The following GLIS3 variants were observed in gnomAD, a reference collection of about 807,000 sequenced individuals.
GLIS3 encodes zinc finger protein GLIS3.
A neutral mutation model predicts 78.6 loss-of-function variants in GLIS3; 53 were observed. That is an observed-to-expected ratio of 0.67 (90% CI 0.54 to 0.85). GLIS3 has a LOEUF of 0.85. Among genes scored for constraint, GLIS3 ranks in the 40% least tolerant of loss-of-function variants. The pLI, the probability that GLIS3 is intolerant of heterozygous loss-of-function variation, is 0.00. For synonymous variants in GLIS3, 684 were observed against 509.9 expected (o/e 1.34, Z -4.60); for missense variants, 1,703 against 1,231.1 (o/e 1.38, Z -5.74).
chr9:3,837,642 A>C (rs1206008573), intron 9 of GLIS3, among the ~76,000 whole-genome samples: 1 of 152,244 alleles, frequency 6.6e-6, no homozygotes, highest in Non-Finnish European at 1.5e-5. Flanking sequence ...ATTTCAATTT[A>C]AATGCATATT....
chr9:4,245,510 G>C (rs1257990252), intron 2 of GLIS3, among the ~76,000 whole-genome samples: 1 of 152,194 alleles, frequency 6.6e-6, no homozygotes, highest in African/African-American at 2.4e-5. Flanking sequence ...TATTAGAAAG[G>C]CAATTTGAAA....
chr9:3,964,665 G>A (rs1817796441), intron 4 of GLIS3, among the ~76,000 whole-genome samples: 1 of 152,118 alleles, frequency 6.6e-6, no homozygotes, highest in African/African-American at 2.4e-5. Context: ...TGTCATGCTG[G>A]AATACTGGAA....
intron 4 of GLIS3, among the ~76,000 whole-genome samples, chr9:4,027,640 T>C (rs184880314): frequency 1.3e-5 from 2 of 152,334 alleles, no homozygotes; most frequent in East Asian, 3.9e-4. Flanking sequence ...AAATAACATG[T>C]ACTGTGCTTG....
chr9:4,073,786 T>C (rs539970238), intron 4 of GLIS3, among the ~76,000 whole-genome samples: 14 of 152,070 alleles, frequency 9.2e-5, no homozygotes, highest in Non-Finnish European at 1.9e-4. Context: ...AATAATGAGT[T>C]ACTAGAAATT....
chr9:4,373,470 CA>C, the GLIS3 span, among the ~76,000 whole-genome samples: 1 of 152,168 alleles, frequency 6.6e-6, no homozygotes, highest in Non-Finnish European at 1.5e-5. Flanking sequence ...CATTGGGGAA[CA>C]AACTGCTCTG....
In GLIS3 at chr9:4,118,082, C is replaced by T. The variant is rs1187253766; in HGVS notation, c.1396G>A (p.Ala466Thr). The change falls in exon 4 of 11, where the codon GCG (alanine) becomes ACG (threonine). Residue 466 changes from alanine (A) to threonine (T), a missense_variant. Physicochemically the swap from Ala to Thr is moderately conservative, Grantham distance 58. Coordinates refer to ENST00000381971, the MANE Select transcript of GLIS3 (RefSeq NM_001042413.2). The surrounding 1 kb of genome is among the most constrained non-coding windows in gnomAD (Gnocchi z 4.7). ...CCGAGCTCCGGGTGGTGAAGGTGCG[C>T]ATGGGCATGGTAAGGGGGTGGGGGG... ...PGPPPPYHAH[A>T]HLHHPELGPH... 1 of 1,542,930 alleles carries T rather than the reference C, an allele frequency of 6.5e-7. No individual in the cohort carries two copies. Among genetic ancestry groups the T allele is most frequent in the Non-Finnish European group, 8.8e-7 (1 of 1,138,672 alleles).
At chr9:4,379,440 G>A in the GLIS3 span, among the ~76,000 whole-genome samples, 1 of 152,218 alleles carries the variant, frequency 6.6e-6, no homozygotes, top group African/African-American at 2.4e-5. Context: ...AATGCCTCTG[G>A]ATTTTTCAGC....
At chr9:4,075,895 T>A (rs938670365) in intron 4 of GLIS3, among the ~76,000 whole-genome samples, 1 of 152,162 alleles carries the variant, frequency 6.6e-6, no homozygotes, top group African/African-American at 2.4e-5. Context: ...TAAAATTCCT[T>A]TAAAGGCAAA....
At chr9:3,842,639 G>A (rs1818794529) in intron 9 of GLIS3, among the ~76,000 whole-genome samples, 1 of 152,190 alleles carries the variant, frequency 6.6e-6, no homozygotes, top group South Asian at 2.1e-4. Context: ...CAGGGTTGGG[G>A]GGCATCAGCT....
chr9:4,427,877 A>T, the GLIS3 span, among the ~76,000 whole-genome samples: 2 of 152,012 alleles, frequency 1.3e-5, no homozygotes, highest in African/African-American at 2.4e-5. Flanking sequence ...AAGAAGAACA[A>T]TTAGAAAATA....
intron 2 of GLIS3, among the ~76,000 whole-genome samples, chr9:4,280,735 C>T (rs755513854): frequency 6.6e-6 from 1 of 151,598 alleles, no homozygotes; most frequent in South Asian, 2.1e-4. Context: ...GCCTTTTATC[C>T]TCTTCCTTCC....
At chr9:4,263,683 G>A (rs956178606) in intron 2 of GLIS3, among the ~76,000 whole-genome samples, 2 of 152,224 alleles carry the variant, frequency 1.3e-5, no homozygotes, top group East Asian at 3.8e-4. Context: ...GTCAAGGTCA[G>A]TAGTGACCTT....
chr9:4,049,718 C>A (rs1231577631), intron 4 of GLIS3, among the ~76,000 whole-genome samples: 1 of 152,078 alleles, frequency 6.6e-6, no homozygotes, highest in Non-Finnish European at 1.5e-5. Flanking sequence ...GACTAATATC[C>A]AGAATCTACA....
At chr9:4,273,765 A>T (rs963680580) in intron 2 of GLIS3, among the ~76,000 whole-genome samples, 5 of 152,132 alleles carry the variant, frequency 3.3e-5, no homozygotes, top group African/African-American at 1.2e-4. Flanking sequence ...ACATAACTCG[A>T]AGATTCTCTG....
At chr9:3,995,421 T>C (rs946481642) in intron 4 of GLIS3, among the ~76,000 whole-genome samples, 6 of 152,120 alleles carry the variant, frequency 3.9e-5, no homozygotes, top group African/African-American at 1.4e-4. Flanking sequence ...AATGGCAGCT[T>C]ATACTAAAAA....
intron 2 of GLIS3, among the ~76,000 whole-genome samples, chr9:4,129,167 G>A (rs1374685457): frequency 6.6e-6 from 1 of 152,152 alleles, no homozygotes; most frequent in East Asian, 1.9e-4. Context: ...GAAACATAAT[G>A]AACACCTATA....
intron 2 of GLIS3, among the ~76,000 whole-genome samples, chr9:4,157,036 G>C (rs1302442980): frequency 1.3e-5 from 2 of 152,178 alleles, no homozygotes; most frequent in African/African-American, 4.8e-5. Flanking sequence ...ATCTGTCACA[G>C]TCCCTGTAAC....
intron 4 of GLIS3, among the ~76,000 whole-genome samples, chr9:4,021,591 C>A (rs16920401): frequency 0.029 from 4,356 of 152,222 alleles, 148 homozygotes; most frequent in African/African-American, 0.081. Context: ...CATTAGTCAG[C>A]TTTCCTATTC....
intron 6 of GLIS3, among the ~76,000 whole-genome samples, chr9:3,906,477 C>G (rs1449811864): frequency 6.6e-6 from 1 of 152,050 alleles, no homozygotes; most frequent in Non-Finnish European, 1.5e-5. Flanking sequence ...AAGTTTTGGC[C>G]CGAGGAACAG....
Sources: gnomAD v4.1 joint callset for allele counts (sites outside exome capture counted in the v4.1 genomes callset) on GRCh38, gnomAD v4.1.1 for gene constraint, Gnocchi (gnomAD v3.1) non-coding constraint, MANE v1.5 for transcripts, NCBI Gene and HGNC (gene_info 2026-07-23, HGNC 2026-07-21) for gene names.